BIRC2: variants seen among roughly 807,000 people sequenced by gnomAD.
The protein encoded by BIRC2 is baculoviral IAP repeat-containing protein 2.
BIRC2 carries 18 observed loss-of-function variants against 60.9 expected under a neutral mutation model. The ratio of observed to expected loss-of-function variants is 0.30; its 90% CI spans 0.20 to 0.44. The LOEUF is 0.44. Among genes scored for constraint, BIRC2 ranks in the 20% least tolerant of loss-of-function variants. BIRC2 has a pLI of 1.00. For synonymous variants in BIRC2, 282 were observed against 247.7 expected (o/e 1.14, Z -1.30); for missense variants, 701 against 728.5 (o/e 0.96, Z 0.43).
chr11:102,367,683 C>T (rs1591540178), intron 5 of BIRC2, among the ~76,000 whole-genome samples: 2 of 152,194 alleles, frequency 1.3e-5, no homozygotes, highest in Admixed American at 1.3e-4. Flanking sequence ...AATGACCTTA[C>T]ACTACTTTTT....
Position 102,378,048 on chromosome 11 carries a change from T to C in BIRC2, c.1722T>C (p.Cys574=). Residue 574 remains cysteine, a synonymous_variant, in exon 9 of 9, where the codon TGT becomes TGC. Transcript: ENST00000227758. ...RLQEERTCKV[C]MDKEVSVVFI... is the part of the protein sequence containing the mutation. ...AAGAAGAACGAACTTGTAAAGTGTG[T>C]ATGGACAAAGAAGTTTCTGTTGTAT... 6.2e-7 allele frequency: 1 copy of C among 1,613,704 alleles called. No homozygotes were observed. Among genetic ancestry groups the C allele is most frequent in the Non-Finnish European group, 8.5e-7 (1 of 1,179,810 alleles).
At chr11:102,360,702 T>C (rs553238864) in intron 3 of BIRC2, among the ~76,000 whole-genome samples, 58 of 151,976 alleles carry the variant, frequency 3.8e-4, no homozygotes, top group Admixed American at 5.9e-4. Flanking sequence ...TTTTTTTTCT[T>C]TCTGTTTCTT....
intron 6 of BIRC2, among the ~76,000 whole-genome samples, chr11:102,369,385 G>A (rs1367524118): frequency 8.9e-5 from 13 of 145,252 alleles, no homozygotes; most frequent in Non-Finnish European, 1.5e-4. Context: ...TCATTGTTCA[G>A]TTCCCACCTA....
intron 6 of BIRC2, among the ~76,000 whole-genome samples, chr11:102,373,389 C>T (rs1951659066): frequency 6.6e-6 from 1 of 152,110 alleles, no homozygotes; most frequent in South Asian, 2.1e-4. Flanking sequence ...TCACCATTTG[C>T]TTGTCTGTGA....
intron 3 of BIRC2, among the ~76,000 whole-genome samples, chr11:102,356,558 T>C (rs1207486030): frequency 6.6e-6 from 1 of 152,100 alleles, no homozygotes; most frequent in East Asian, 1.9e-4. Flanking sequence ...ATGGTCCTTA[T>C]GTTGAGGTAT....
Position 102,378,248 on chromosome 11 carries a change from C to A in BIRC2, c.*65C>A. 5 of 1,241,346 alleles carry A rather than the reference C, an allele frequency of 4.0e-6. No individual in the cohort carries two copies. Among genetic ancestry groups the A allele is most frequent in the Admixed American group, 3.2e-5 (1 of 31,616 alleles). 76.9% of individuals were successfully genotyped at this position (1,241,346 alleles called of 1,614,324 possible). ...TTAAAATATTGTTGAACACTTGAAG[C>A]CATCTAAAGTAAAAAGGGAATTATG... is the stretch of plus-strand genomic sequence containing the variant. On this transcript the variant is annotated 3_prime_UTR_variant, in exon 9 of 9. Transcript: ENST00000227758.
chr11:102,348,212 A>G (rs1046515408), intron 1 of BIRC2: 7 of 152,256 alleles, frequency 4.6e-5, no homozygotes, highest in African/African-American at 1.7e-4. Context: ...TTCCTGCTGT[A>G]CTGCTGCTGA....
At chr11:102,371,809 G>T (rs932227023) in intron 6 of BIRC2, among the ~76,000 whole-genome samples, 6 of 150,102 alleles carry the variant, frequency 4.0e-5, no homozygotes, top group Non-Finnish European at 7.4e-5. Flanking sequence ...GACTCTTTTT[G>T]GTTGGTAAGC....
intron 6 of BIRC2, among the ~76,000 whole-genome samples, chr11:102,368,866 A>AAAAGC (rs1437994745): frequency 6.6e-6 from 1 of 152,150 alleles, no homozygotes; most frequent in Non-Finnish European, 1.5e-5. Flanking sequence ...ATTGTTTTGA[A>AAAAGC]AAAGCAAGAT....
intron 3 of BIRC2, among the ~76,000 whole-genome samples, chr11:102,355,127 T>C (rs184286884): frequency 6.6e-6 from 1 of 152,248 alleles, no homozygotes; most frequent in East Asian, 1.9e-4. Context: ...TCGCAGTTTA[T>C]TTTTGTTTTG....
intron 6 of BIRC2, among the ~76,000 whole-genome samples, chr11:102,375,130 C>T (rs867431750): frequency 9.9e-5 from 15 of 152,202 alleles, no homozygotes; most frequent in South Asian, 4.1e-4. Flanking sequence ...CCGTCTTGTG[C>T]GTCGCTCACG....
chr11:102,362,251 T>C (rs944598798), intron 3 of BIRC2, among the ~76,000 whole-genome samples: 4 of 152,208 alleles, frequency 2.6e-5, no homozygotes, highest in Admixed American at 1.3e-4. Flanking sequence ...AGGTCAGTGT[T>C]CCTTTTTTTT....
At position 102,350,547 on chromosome 11, in the gene BIRC2, A is replaced by G; in HGVS notation, c.693A>G (p.Glu231=). 1.2e-6 allele frequency: 2 copies of G among 1,614,144 alleles called. No homozygotes were observed. Among genetic ancestry groups the G allele is most frequent in the Non-Finnish European group, 1.7e-6 (2 of 1,180,022 alleles). ...FACGGKLSNW[E]PKDDAMSEHR... ...GTGGTGGGAAGCTCAGTAACTGGGA[A>G]CCAAAGGATGATGCTATGTCAGAAC... is the stretch of plus-strand genomic sequence containing the variant. The change falls in exon 2 of 9, where the codon GAA becomes GAG. Residue 231 remains glutamate, a synonymous_variant. Coordinates refer to ENST00000227758, the MANE Select transcript of BIRC2 (RefSeq NM_001166.5).
intron 6 of BIRC2, among the ~76,000 whole-genome samples, chr11:102,374,248 G>T (rs963652954): frequency 2.6e-5 from 4 of 151,462 alleles, no homozygotes; most frequent in African/African-American, 4.9e-5. Flanking sequence ...GGCGCTCTGC[G>T]TTTTAGAGTT....
chr11:102,374,200 G>A (rs1398319518), intron 6 of BIRC2, among the ~76,000 whole-genome samples: 34 of 151,518 alleles, frequency 2.2e-4, no homozygotes, highest in Middle Eastern at 6.8e-3. Flanking sequence ...GCTTTGTTCC[G>A]TTGCTGGTGA....
In BIRC2 at chr11:102,377,533, C is replaced by T; in HGVS notation, c.1404C>T (p.Leu468=). 1 of 1,602,018 alleles carries T rather than the reference C, an allele frequency of 6.2e-7. No homozygotes were observed. The highest frequency in any genetic ancestry group is 8.5e-7 in the Non-Finnish European group (1 of 1,177,104). ...TAATTCGGAAGAACAGAATGGCTCT[C>T]TTTCAACAATTGACATGTGTGCTTC... The part of the protein sequence containing the change: ...LSLIRKNRMA[L]FQQLTCVLPI... The change falls in exon 7 of 9, where the codon CTC becomes CTT. Residue 468 remains leucine, a synonymous_variant. Transcript: ENST00000227758.
chr11:102,375,771 C>T (rs1050770846), intron 6 of BIRC2, among the ~76,000 whole-genome samples: 2 of 146,388 alleles, frequency 1.4e-5, no homozygotes, highest in African/African-American at 5.1e-5. Flanking sequence ...CAGAGCCAGA[C>T]TCCATCTCAA....
At chr11:102,372,424 G>A (rs1306549177) in intron 6 of BIRC2, among the ~76,000 whole-genome samples, 3 of 152,080 alleles carry the variant, frequency 2.0e-5, no homozygotes, top group African/African-American at 7.2e-5. Context: ...ATTTCGTTAT[G>A]TACCCAGTAG....
At chr11:102,368,934 T>C (rs1000904010) in intron 6 of BIRC2, among the ~76,000 whole-genome samples, 15 of 151,794 alleles carry the variant, frequency 9.9e-5, no homozygotes, top group African/African-American at 3.6e-4. Context: ...TTTCTGCAAA[T>C]CATATTTTTA....
Sources: gnomAD v4.1 joint callset for allele counts (sites outside exome capture counted in the v4.1 genomes callset) on GRCh38, gnomAD v4.1.1 for gene constraint, MANE v1.5 for transcripts, NCBI Gene and HGNC (gene_info 2026-07-23, HGNC 2026-07-21) for gene names.